SRBD1: variants seen among roughly 807,000 people sequenced by gnomAD.
The protein encoded by SRBD1 is S1 RNA-binding domain-containing protein 1.
In SRBD1, 88 loss-of-function variants were observed where a neutral mutation model predicts 115.3. The ratio of observed to expected loss-of-function variants is 0.76; its 90% confidence interval spans 0.64 to 0.91. The LOEUF is 0.91. Ranked by LOEUF, SRBD1 falls within the 40% of genes least tolerant of loss-of-function variation. The pLI, the probability that SRBD1 is intolerant of heterozygous loss-of-function variation, is 0.00. For synonymous variants in SRBD1, 509 were observed against 407.7 expected (o/e 1.25, Z -2.99); for missense variants, 1,385 against 1,177.4 (o/e 1.18, Z -2.58).
At chr2:45,443,932 C>T (rs572954557) in intron 16 of SRBD1, among the ~76,000 whole-genome samples, 2 of 151,878 alleles carry the variant, frequency 1.3e-5, no homozygotes, top group East Asian at 3.9e-4. Context: ...ATGACAGGTA[C>T]TCCATAAATG....
chr2:45,596,948 A>ACACACC (rs1553362252), intron 4 of SRBD1, among the ~76,000 whole-genome samples: 12 of 147,396 alleles, frequency 8.1e-5, no homozygotes, highest in African/African-American at 1.8e-4. Context: ...ACACACACAC[A>ACACACC]CACCCACAAC....
In SRBD1 at chr2:45,551,238, A is replaced by G; in HGVS notation, c.1562T>C (p.Phe521Ser). The change falls in exon 12 of 21, where the codon TTT (phenylalanine) becomes TCT (serine). Residue 521 changes from phenylalanine to serine, a missense_variant. Phe to Ser is a radical substitution (Grantham distance 155, BLOSUM62 -2). Transcript: ENST00000263736. ...AAGGAGCTGACGAAGGTTCCGTCCA[A>G]ACATCATTACTGATTCCTTCTCTGC... is the stretch of plus-strand genomic sequence containing the variant. ...SDAEKESVMM[F>S]GRNLRQLLLT... The G allele has an allele frequency of 6.2e-7, 1 of 1,612,280 alleles. No individual in the cohort carries two copies. The highest frequency in any genetic ancestry group is 1.1e-5 in the South Asian group (1 of 90,462).
At chr2:45,489,265 C>G (rs1257412367) in intron 14 of SRBD1, among the ~76,000 whole-genome samples, 8 of 152,174 alleles carry the variant, frequency 5.3e-5, no homozygotes, top group Admixed American at 5.2e-4. Flanking sequence ...TGTTAGGGCT[C>G]ACTTTTTAAT....
At chr2:45,400,423 C>A (rs1441824925) in intron 19 of SRBD1, among the ~76,000 whole-genome samples, 1 of 152,090 alleles carries the variant, frequency 6.6e-6, no homozygotes, top group Admixed American at 6.6e-5. Flanking sequence ...GATTGGCCAG[C>A]AACTCCCTCA....
At chr2:45,521,472 A>G (rs1671281703) in intron 14 of SRBD1, among the ~76,000 whole-genome samples, 1 of 152,164 alleles carries the variant, frequency 6.6e-6, no homozygotes, top group African/African-American at 2.4e-5. Flanking sequence ...CACCCCTACT[A>G]GATGTCTATA....
At chr2:45,454,488 A>G (rs926181244) in intron 16 of SRBD1, among the ~76,000 whole-genome samples, 1 of 151,904 alleles carries the variant, frequency 6.6e-6, no homozygotes, top group African/African-American at 2.4e-5. Flanking sequence ...TTTTCCACCC[A>G]ACGGCACTGT....
chr2:45,432,785 T>C (rs1410755137), intron 16 of SRBD1, among the ~76,000 whole-genome samples: 1 of 152,196 alleles, frequency 6.6e-6, no homozygotes, highest in Non-Finnish European at 1.5e-5. Flanking sequence ...CATTATATTT[T>C]TATTAAAATT....
chr2:45,389,770 C>T (rs1315984892), intron 20 of SRBD1, among the ~76,000 whole-genome samples, 171 bp from the exon 21 acceptor site: 2 of 152,188 alleles, frequency 1.3e-5, no homozygotes, highest in African/African-American at 4.8e-5. Flanking sequence ...ACATGCATAT[C>T]AGTTGGAGAC....
chr2:45,440,528 C>T (rs796229616), intron 16 of SRBD1, among the ~76,000 whole-genome samples: 12 of 152,302 alleles, frequency 7.9e-5, no homozygotes, highest in African/African-American at 2.9e-4. Flanking sequence ...CATGTGTGGT[C>T]ACTGGGCTAA....
chr2:45,519,862 T>C (rs182620252), intron 14 of SRBD1, among the ~76,000 whole-genome samples: 18 of 152,208 alleles, frequency 1.2e-4, no homozygotes, highest in Admixed American at 8.5e-4. Context: ...CCTTATAAGG[T>C]TACTATTTAT....
At chr2:45,547,496 A>C in intron 13 of SRBD1, 26 bp downstream of exon 13, 3 of 1,601,064 alleles carry the variant, frequency 1.9e-6, no homozygotes, top group Non-Finnish European at 2.6e-6. Context: ...CCACTGATAT[A>C]TTCAAAAGAT....
At chr2:45,595,047 T>C (rs984533062) in intron 4 of SRBD1, among the ~76,000 whole-genome samples, 2 of 152,236 alleles carry the variant, frequency 1.3e-5, no homozygotes, top group African/African-American at 4.8e-5. Context: ...ACCCCCCTGC[T>C]TAATTCATTA....
chr2:45,498,992 T>C (rs1208835546), intron 14 of SRBD1, among the ~76,000 whole-genome samples: 7 of 152,174 alleles, frequency 4.6e-5, no homozygotes, highest in Non-Finnish European at 1.0e-4. Context: ...CTGAGTTCCT[T>C]TCTTTTGGAT....
intron 14 of SRBD1, among the ~76,000 whole-genome samples, chr2:45,516,606 T>A (rs1263912777): frequency 2.0e-5 from 3 of 152,220 alleles, no homozygotes; most frequent in African/African-American, 7.2e-5. Flanking sequence ...ACATTGCTCT[T>A]TGGATTATTC....
At chr2:45,423,321 G>T (rs1014967017) in intron 16 of SRBD1, among the ~76,000 whole-genome samples, 4 of 152,152 alleles carry the variant, frequency 2.6e-5, no homozygotes, top group African/African-American at 9.7e-5. Context: ...AGATATGCAA[G>T]GCAAGGCAGT....
At chr2:45,420,454 T>C (rs1667962691) in intron 16 of SRBD1, among the ~76,000 whole-genome samples, 3 of 152,364 alleles carry the variant, frequency 2.0e-5, no homozygotes, top group South Asian at 4.1e-4. Flanking sequence ...AGCACCATTT[T>C]ATATACCACT....
intron 20 of SRBD1, among the ~76,000 whole-genome samples, chr2:45,390,626 T>G (rs986272198): frequency 2.0e-5 from 3 of 152,136 alleles, no homozygotes; most frequent in Non-Finnish European, 4.4e-5. Context: ...CTCCTTTTAC[T>G]AAGGCCTCAT....
intron 16 of SRBD1, among the ~76,000 whole-genome samples, chr2:45,463,502 A>G (rs1669388166): frequency 6.6e-6 from 1 of 152,188 alleles, no homozygotes; most frequent in Non-Finnish European, 1.5e-5. Flanking sequence ...TACAGTTTTG[A>G]AATTCTCATA....
intron 14 of SRBD1, among the ~76,000 whole-genome samples, chr2:45,536,335 A>T (rs966570999): frequency 1.8e-4 from 28 of 151,948 alleles, no homozygotes; most frequent in Middle Eastern, 3.4e-3. Flanking sequence ...CTTCTAGGGG[A>T]AAAAAACATA....
Sources: gnomAD v4.1 joint callset for allele counts (sites outside exome capture counted in the v4.1 genomes callset) on GRCh38, gnomAD v4.1.1 for gene constraint, MANE v1.5 for transcripts, NCBI Gene and HGNC (gene_info 2026-07-23, HGNC 2026-07-21) for gene names.